SEMA6D: variants seen among roughly 807,000 people sequenced by gnomAD.
The protein encoded by SEMA6D is semaphorin-6D.
Under a neutral mutation model 106.6 loss-of-function variants are expected in SEMA6D, and 35 were observed. The ratio of observed to expected loss-of-function variants is 0.33; its 90% CI spans 0.25 to 0.44. The LOEUF is 0.44. Ranked by LOEUF, SEMA6D falls within the 20% of genes least tolerant of loss-of-function variation. The pLI is 1.00. For missense variants in SEMA6D, 1,185 were observed against 1,345.9 expected (o/e 0.88, Z 1.87); for synonymous variants, 499 against 487.7 (o/e 1.02, Z -0.31).
chr15:47,457,289 G>A (rs1286470065), intron 2 of SEMA6D, among the ~76,000 whole-genome samples: 1 of 151,746 alleles, frequency 6.6e-6, no homozygotes, highest in Non-Finnish European at 1.5e-5. Flanking sequence ...AAATTCAAAT[G>A]TCAAGCATCC....
At chr15:47,506,597 C>G (rs1354329109) in intron 3 of SEMA6D, among the ~76,000 whole-genome samples, 1 of 142,634 alleles carries the variant, frequency 7.0e-6, no homozygotes, top group Non-Finnish European at 1.5e-5. Context: ...TACACACACA[C>G]AAACACACAC....
intron 4 of SEMA6D, among the ~76,000 whole-genome samples, chr15:47,688,853 A>C (rs913989311): frequency 1.3e-5 from 2 of 152,158 alleles, no homozygotes; most frequent in African/African-American, 4.8e-5. Context: ...CAGTTATGTA[A>C]ATTTTTCACA....
At chr15:47,285,885 A>G (rs2142684252) in intron 1 of SEMA6D, among the ~76,000 whole-genome samples, 1 of 152,312 alleles carries the variant, frequency 6.6e-6, no homozygotes, top group East Asian at 1.9e-4. Flanking sequence ...AACAAACATT[A>G]CTTTTACTAA....
In SEMA6D at chr15:47,768,583, A is replaced by T. The variant is rs139127203; in HGVS notation, c.1768A>T (p.Met590Leu). The T allele has an allele frequency of 1.2e-6, 2 of 1,609,052 alleles. No individual in the cohort carries two copies. Among genetic ancestry groups the T allele is most frequent in the South Asian group, 1.1e-5 (1 of 90,388 alleles). ...YKIFGGPTSD[M>L]EVSSSSVTTM... is the part of the protein sequence containing the mutation. Reference sequence around the variant, plus strand: ...TAAAAATCTGTTTGCCACCACAGACATGGAGGTATCTTCATCTTCTGTTAC... The same window carrying T: ...TAAAAATCTGTTTGCCACCACAGACTTGGAGGTATCTTCATCTTCTGTTAC... The change falls in exon 18 of 19, where the codon ATG (methionine) becomes TTG (leucine). Residue 590 changes from methionine to leucine, a missense_variant and splice_region_variant. This residue lies in a region of SEMA6D where 750 missense variants were observed against 783.5 expected (regional missense o/e 0.96). Transcript: ENST00000536845.
At chr15:47,246,846 A>G (rs947715638) in intron 1 of SEMA6D, among the ~76,000 whole-genome samples, 72 of 152,190 alleles carry the variant, frequency 4.7e-4, no homozygotes, top group African/African-American at 1.6e-3. Context: ...CTACTATTGC[A>G]GTCTCCTCGT....
chr15:47,712,571 T>C (rs2146102215), upstream of SEMA6D, among the ~76,000 whole-genome samples: 1 of 152,300 alleles, frequency 6.6e-6, no homozygotes, highest in African/African-American at 2.4e-5. Context: ...AGTTTGAATT[T>C]TGAGGTTGGC....
At chr15:47,740,675 G>A (rs542920637) in intron 1 of SEMA6D, among the ~76,000 whole-genome samples, 1 of 152,196 alleles carries the variant, frequency 6.6e-6, no homozygotes, top group Non-Finnish European at 1.5e-5. Context: ...GAAGGGCCCA[G>A]GAGCCAAAGG....
chr15:47,694,895 T>G (rs2078667009), intron 4 of SEMA6D, among the ~76,000 whole-genome samples: 1 of 152,116 alleles, frequency 6.6e-6, no homozygotes, highest in Non-Finnish European at 1.5e-5. Context: ...ATTACAATTA[T>G]TGAGTTGGTA....
intron 1 of SEMA6D, among the ~76,000 whole-genome samples, chr15:47,217,874 TACACACACACAC>T (rs150525483): frequency 7.0e-6 from 1 of 143,034 alleles, no homozygotes; most frequent in Non-Finnish European, 1.5e-5. Flanking sequence ...TGTACACACA[TACACACACACAC>T]ACACACACAC....
At position 47,519,365 on chromosome 15, in the gene SEMA6D, G is replaced by A. The variant is rs150521819; in HGVS notation, c.-87+48820G>A. Among the ~76,000 whole-genome samples the A allele has an allele frequency of 2.3e-3, 356 of 152,238 alleles. 1 individual carries two copies. The highest frequency in any genetic ancestry group is 8.2e-3 in the African/African-American group (339 of 41,546). On this transcript the variant is annotated intron_variant, in intron 3 of 19. Transcript: ENST00000558014. ...TAGGTAACAGAAATTCTTCGGCTCC[G>A]TTATAATCTCATGCAACCACTGACA...
intron 1 of SEMA6D, among the ~76,000 whole-genome samples, chr15:47,346,442 C>A (rs185153110): frequency 1.1e-4 from 16 of 152,042 alleles, no homozygotes; most frequent in Middle Eastern, 3.4e-3. Context: ...AAATTTAATC[C>A]CTAAAACTTT....
At chr15:47,354,116 A>C (rs1342845293) in intron 1 of SEMA6D, among the ~76,000 whole-genome samples, 4 of 150,626 alleles carry the variant, frequency 2.7e-5, no homozygotes, top group Non-Finnish European at 5.9e-5. Context: ...ATATATATGG[A>C]ATGAGAGAGT....
chr15:47,296,896 G>A (rs983822583), intron 1 of SEMA6D, among the ~76,000 whole-genome samples: 1 of 152,080 alleles, frequency 6.6e-6, no homozygotes, highest in African/African-American at 2.4e-5. Flanking sequence ...AAGGAGAGAA[G>A]CAAATGGAAT....
intron 4 of SEMA6D, among the ~76,000 whole-genome samples, chr15:47,660,897 A>G (rs536635897): frequency 6.6e-6 from 1 of 152,288 alleles, no homozygotes; most frequent in Admixed American, 6.5e-5. Flanking sequence ...TGCTGCTTTC[A>G]TTTCTTAATA....
intron 1 of SEMA6D, among the ~76,000 whole-genome samples, chr15:47,317,316 TTGTC>T (rs1430393156): frequency 5.3e-5 from 8 of 152,152 alleles, no homozygotes; most frequent in Non-Finnish European, 1.5e-5. Context: ...CTTTTCCAGT[TTGTC>T]TGGCTGGAAG....
intron 4 of SEMA6D, among the ~76,000 whole-genome samples, chr15:47,617,441 C>A (rs2077027536): frequency 6.6e-6 from 1 of 152,162 alleles, no homozygotes; most frequent in East Asian, 1.9e-4. Flanking sequence ...GTAAAAACTT[C>A]TACTATTTTT....
chr15:47,508,100 C>G (rs527364169), intron 3 of SEMA6D, among the ~76,000 whole-genome samples: 6 of 152,116 alleles, frequency 3.9e-5, no homozygotes, highest in African/African-American at 1.4e-4. Flanking sequence ...CCGTGAACTT[C>G]AGAGAGAGAG....
intron 3 of SEMA6D, among the ~76,000 whole-genome samples, chr15:47,497,656 C>G (rs2043712102): frequency 6.6e-6 from 1 of 152,058 alleles, no homozygotes; most frequent in African/African-American, 2.4e-5. Context: ...TCCAGATTTC[C>G]TTCCCGATGC....
At chr15:47,617,722 C>A (rs2077032635) in intron 4 of SEMA6D, among the ~76,000 whole-genome samples, 2 of 152,158 alleles carry the variant, frequency 1.3e-5, no homozygotes, top group Admixed American at 1.3e-4. Context: ...AAGACTTCGA[C>A]AGATTCAGTT....
Sources: allele counts gnomAD v4.1 joint callset (sites outside exome capture counted in the v4.1 genomes callset), GRCh38; gene constraint gnomAD v4.1.1; regional missense constraint gnomAD v4.1.1; transcripts MANE v1.5; gene names NCBI Gene and HGNC (gene_info 2026-07-23, HGNC 2026-07-21).